TRAF3IP2: variants seen among roughly 807,000 people sequenced by gnomAD.
TRAF3IP2 encodes the protein TRAF3 interacting protein 2.
In TRAF3IP2, 35 loss-of-function variants were observed where a neutral mutation model predicts 57.9. That is an observed-to-expected ratio of 0.60 (90% confidence interval 0.46 to 0.80). TRAF3IP2 has a LOEUF of 0.80. Among genes scored for constraint, TRAF3IP2 ranks in the 30% least tolerant of loss-of-function variants. The pLI, the probability that TRAF3IP2 is intolerant of heterozygous loss-of-function variation, is 0.00. For missense variants in TRAF3IP2, 556 were observed against 706.4 expected (o/e 0.79, Z 2.41); for synonymous variants, 251 against 268.9 (o/e 0.93, Z 0.65).
At chr6:111,567,270 C>A in intron 6 of TRAF3IP2, 1 of 1,033,488 alleles carries the variant, frequency 9.7e-7, no homozygotes, top group Admixed American at 5.6e-5. Context: ...CCTCTTCAGC[C>A]CAATTCTACA....
intron 1 of TRAF3IP2, among the ~76,000 whole-genome samples, chr6:111,592,709 T>A (rs1192425860): frequency 6.6e-6 from 1 of 152,236 alleles, no homozygotes; most frequent in Non-Finnish European, 1.5e-5. Context: ...TTTAAACTTT[T>A]ATAATTTTGT....
intron 1 of TRAF3IP2, among the ~76,000 whole-genome samples, chr6:111,599,477 G>A (rs981444017): frequency 6.6e-6 from 1 of 152,136 alleles, no homozygotes; most frequent in Non-Finnish European, 1.5e-5. Flanking sequence ...CTGTCCATGT[G>A]ACAATGCTCC....
intron 2 of TRAF3IP2, among the ~76,000 whole-genome samples, chr6:111,582,279 C>A (rs1780055368): frequency 6.6e-6 from 1 of 152,162 alleles, no homozygotes; most frequent in African/African-American, 2.4e-5. Flanking sequence ...CTTCTTCTGG[C>A]AAAAGTGACC....
chr6:111,582,775 C>A (rs557232652), intron 2 of TRAF3IP2, among the ~76,000 whole-genome samples: 59 of 152,304 alleles, frequency 3.9e-4, no homozygotes, highest in African/African-American at 1.4e-3. Flanking sequence ...ACTGCACTTA[C>A]AATCCACCCT....
At chr6:111,601,300 G>C (rs76228616) in intron 1 of TRAF3IP2, 24,693 of 696,332 alleles carry the variant, frequency 0.035, 880 homozygotes, top group African/African-American at 0.14. Flanking sequence ...AGAGGATACA[G>C]ATGAGGCTGC....
chr6:111,567,747 C>A (rs895493091), intron 5 of TRAF3IP2, 55 bp from the exon 6 acceptor site: 16 of 1,452,066 alleles, frequency 1.1e-5, no homozygotes, highest in African/African-American at 7.1e-5. Flanking sequence ...TCTCAAGATG[C>A]AGAGCAGAAG....
chr6:111,594,294 G>A (rs1042100182), intron 1 of TRAF3IP2, among the ~76,000 whole-genome samples: 1 of 151,922 alleles, frequency 6.6e-6, no homozygotes, highest in South Asian at 2.1e-4. Context: ...ACATGCACTT[G>A]TGGGCACACA....
intron 6 of TRAF3IP2, chr6:111,567,133 G>C (rs1447537770): frequency 4.1e-6 from 4 of 985,428 alleles, no homozygotes; most frequent in Middle Eastern, 5.1e-4. Context: ...AATCAATTTC[G>C]ATCTTGTTAA....
chr6:111,576,897 C>A (rs1165856310), intron 3 of TRAF3IP2: 1 of 152,044 alleles, frequency 6.6e-6, no homozygotes, highest in Non-Finnish European at 1.5e-5. Context: ...TACAAAATCT[C>A]TATGTATATG....
intron 6 of TRAF3IP2, 144 bp from the exon 7 acceptor site, chr6:111,566,704 G>C: frequency 1.3e-6 from 1 of 778,326 alleles, no homozygotes; most frequent in Non-Finnish European, 2.3e-6. Context: ...TCTTATCTCT[G>C]CTTCTCCCTT....
intron 8 of TRAF3IP2, 76 bp from the exon 9 acceptor site, chr6:111,559,627 A>G (rs1427786018): frequency 2.3e-5 from 35 of 1,540,716 alleles, no homozygotes; most frequent in Non-Finnish European, 3.0e-5. Flanking sequence ...TCAGTTCCCA[A>G]ACATTTCTGG....
At chr6:111,578,996 A>T (rs1447282164) in intron 3 of TRAF3IP2, among the ~76,000 whole-genome samples, 1 of 152,206 alleles carries the variant, frequency 6.6e-6, no homozygotes. Flanking sequence ...AGATCCATAA[A>T]TTAAGAGAAA....
intron 2 of TRAF3IP2, among the ~76,000 whole-genome samples, chr6:111,589,458 C>A (rs896550813): frequency 6.6e-6 from 1 of 152,224 alleles, no homozygotes; most frequent in African/African-American, 2.4e-5. Flanking sequence ...CTGGCAATCA[C>A]TGAGAAATAC....
rs1795236131 is a variant in TRAF3IP2, at chr6:111,556,207, T to TGTGTGC, written c.*3192_*3197dup. Among the ~76,000 whole-genome samples the TGTGTGC allele has an allele frequency of 6.6e-6, 1 of 151,904 alleles. No individual in the cohort carries two copies. Among genetic ancestry groups the TGTGTGC allele is most frequent in the African/African-American group, 2.4e-5 (1 of 41,326 alleles). On this transcript the variant is annotated 3_prime_UTR_variant, in exon 9 of 9. Coordinates refer to ENST00000368761, the MANE Select transcript of TRAF3IP2 (RefSeq NM_147686.4). ...TTGGCCAAGTGCGTGTGTGTGTGTA[T>TGTGTGC]GTGTGCGTGTGTGTGTGTGTGTCTG...
intron 1 of TRAF3IP2, among the ~76,000 whole-genome samples, chr6:111,603,107 C>A (rs1029013008): frequency 3.3e-5 from 5 of 151,174 alleles, no homozygotes; most frequent in African/African-American, 1.2e-4. Context: ...CACACACACA[C>A]ACACAAGGCG....
At chr6:111,592,182 G>A in intron 1 of TRAF3IP2, 88 bp from the exon 2 acceptor site, 2 of 1,150,548 alleles carry the variant, frequency 1.7e-6, no homozygotes, top group Non-Finnish European at 2.5e-6. Flanking sequence ...CCTCATTCAA[G>A]ATGTGGTTTA....
Position 111,580,267 on chromosome 6 carries a change from G to C in TRAF3IP2, c.952C>G (p.Pro318Ala). The C allele has an allele frequency of 6.2e-7, 1 of 1,613,082 alleles. No homozygotes were observed. The highest frequency in any genetic ancestry group is 8.5e-7 in the Non-Finnish European group (1 of 1,179,096). The part of the protein sequence containing the change: ...HPVQKVILNY[P>A]SPWDHEERPA... ...CTCTCTTCGTGGTCCCAGGGGCTGGGATAATTCAGGATAACCTTCTGCACA... is the reference window on the plus strand; with the variant it reads ...CTCTCTTCGTGGTCCCAGGGGCTGGCATAATTCAGGATAACCTTCTGCACA... The change falls in exon 3 of 9, where the codon CCC (proline) becomes GCC (alanine). Residue 318 changes from proline to alanine, a missense_variant. Physicochemically the swap from Pro to Ala is conservative, Grantham distance 27. Coordinates refer to ENST00000368761, the MANE Select transcript of TRAF3IP2 (RefSeq NM_147686.4).
At position 111,556,967 on chromosome 6, in the gene TRAF3IP2, A is replaced by AAAT. The variant is rs996874530; in HGVS notation, c.*2435_*2437dup. The AAAT allele has an allele frequency of 6.6e-6, 1 of 152,216 alleles. No individual in the cohort carries two copies. Among genetic ancestry groups the AAAT allele is most frequent in the African/African-American group, 2.4e-5 (1 of 41,424 alleles). The allele number at this position is 152,216 out of a possible 1,614,324, so 9.4% of individuals were successfully genotyped here. On this transcript the variant is annotated 3_prime_UTR_variant, in exon 9 of 9. Coordinates refer to ENST00000368761, the MANE Select transcript of TRAF3IP2 (RefSeq NM_147686.4). ...CATGGCAAAACCCTGTCTCTACAAAAAATACAAAAATTAACCAAGCATGTT... is the reference window on the plus strand; with the variant it reads ...CATGGCAAAACCCTGTCTCTACAAAAAATAATACAAAAATTAACCAAGCATGTT...
At position 111,591,513 on chromosome 6, in the gene TRAF3IP2, G is replaced by T. The variant is rs780338216; in HGVS notation, c.574C>A (p.Leu192Met). 6.2e-7 allele frequency: 1 copy of T among 1,612,636 alleles called. No individual in the cohort carries two copies. Among genetic ancestry groups the T allele is most frequent in the South Asian group, 1.1e-5 (1 of 91,052 alleles). The change falls in exon 2 of 9, where the codon CTG becomes ATG. Residue 192 changes from leucine (L) to methionine (M), a missense_variant. Coordinates refer to ENST00000368761, the MANE Select transcript of TRAF3IP2 (RefSeq NM_147686.4). The surrounding 1 kb of genome is among the most constrained non-coding windows in gnomAD (Gnocchi z 4.9). The part of the protein sequence containing the change: ...QPHRNRAGLD[L>M]PTIDTGYDSQ... ...TCATATCCCGTGTCTATGGTTGGCA[G>T]ATCCAGGCCTGCTCGGTTCCTGTGA...
Sources: gnomAD v4.1 joint callset for allele counts (sites outside exome capture counted in the v4.1 genomes callset) on GRCh38, gnomAD v4.1.1 for gene constraint, Gnocchi (gnomAD v3.1) non-coding constraint, MANE v1.5 for transcripts, NCBI Gene and HGNC (gene_info 2026-07-23, HGNC 2026-07-21) for gene names.